TAFA1: variants seen among roughly 807,000 people sequenced by gnomAD.
The protein encoded by TAFA1 is TAFA chemokine like family member 1.
In TAFA1, 4 loss-of-function variants were observed where a neutral mutation model predicts 18.5. The observed-to-expected ratio is 0.22, with a 90% CI of 0.11 to 0.49. The LOEUF (loss-of-function observed/expected upper bound fraction) is 0.49. TAFA1 is among the 20% of genes least tolerant of loss of function. The pLI is 0.98. For missense variants in TAFA1, 147 were observed against 169.0 expected (o/e 0.87, Z 0.72); for synonymous variants, 56 against 55.2 (o/e 1.01, Z -0.06).
chr3:68,261,500 G>A (rs2067421241), intron 2 of TAFA1, among the ~76,000 whole-genome samples: 1 of 152,168 alleles, frequency 6.6e-6, no homozygotes, highest in Admixed American at 6.5e-5. Flanking sequence ...CAATAGCAAA[G>A]TCTTGGAACC....
At chr3:68,459,047 G>T (rs944085062) in intron 3 of TAFA1, among the ~76,000 whole-genome samples, 1 of 152,134 alleles carries the variant, frequency 6.6e-6, no homozygotes, top group East Asian at 1.9e-4. Flanking sequence ...TTCTCACAGC[G>T]AGAATTCTTC....
intron 2 of TAFA1, among the ~76,000 whole-genome samples, chr3:68,246,063 C>A (rs1258856384): frequency 6.6e-6 from 1 of 152,090 alleles, no homozygotes; most frequent in Non-Finnish European, 1.5e-5. Context: ...CGACGATGTC[C>A]GGTACCATCC....
intron 3 of TAFA1, among the ~76,000 whole-genome samples, chr3:68,435,945 G>A (rs2071260562): frequency 6.6e-6 from 1 of 152,134 alleles, no homozygotes; most frequent in Non-Finnish European, 1.5e-5. Context: ...TCAGTGGCTT[G>A]GCCACACCCC....
At chr3:68,194,972 G>A (rs577957623) in intron 2 of TAFA1, among the ~76,000 whole-genome samples, 4 of 151,498 alleles carry the variant, frequency 2.6e-5, no homozygotes, top group South Asian at 2.1e-4. Flanking sequence ...TCAGTTTTTC[G>A]GTATGCCCAT....
chr3:68,347,616 C>A (rs371208658), intron 2 of TAFA1, among the ~76,000 whole-genome samples: 1 of 152,264 alleles, frequency 6.6e-6, no homozygotes, highest in African/African-American at 2.4e-5. Context: ...AAATGAATGA[C>A]CATGGTTGTG....
At chr3:68,021,703 A>G (rs1004275438) in intron 2 of TAFA1, among the ~76,000 whole-genome samples, 2 of 152,230 alleles carry the variant, frequency 1.3e-5, no homozygotes, top group Admixed American at 6.5e-5. Context: ...AAAGAAAAGA[A>G]GAAGGAAAAA....
intron 2 of TAFA1, among the ~76,000 whole-genome samples, chr3:68,403,244 A>G (rs530758946): frequency 1.3e-5 from 2 of 152,324 alleles, no homozygotes; most frequent in African/African-American, 2.4e-5. Context: ...TTAATGACAT[A>G]TTCATTAGAA....
At chr3:68,389,863 C>G (rs1483692125) in intron 2 of TAFA1, among the ~76,000 whole-genome samples, 1 of 152,144 alleles carries the variant, frequency 6.6e-6, no homozygotes, top group East Asian at 1.9e-4. Flanking sequence ...GTCTTTGCAA[C>G]CCACAGACCA....
At chr3:68,037,596 C>T (rs893069233) in intron 2 of TAFA1, among the ~76,000 whole-genome samples, 1 of 152,062 alleles carries the variant, frequency 6.6e-6, no homozygotes, top group Non-Finnish European at 1.5e-5. Context: ...AAATACAGTT[C>T]AGTAAAATGA....
intron 2 of TAFA1, among the ~76,000 whole-genome samples, chr3:68,148,912 T>G (rs1026978876): frequency 3.0e-4 from 45 of 152,378 alleles, no homozygotes; most frequent in Admixed American, 2.7e-3. Context: ...AATGAATTTC[T>G]TTTTCAAAGA....
At chr3:68,193,994 T>G (rs920373501) in intron 2 of TAFA1, among the ~76,000 whole-genome samples, 1 of 151,832 alleles carries the variant, frequency 6.6e-6, no homozygotes, top group Non-Finnish European at 1.5e-5. Flanking sequence ...CAGATTCAAG[T>G]CCACTTCATG....
chr3:68,417,388 G>C lies in TAFA1; in HGVS notation c.227G>C (p.Gly76Ala). 6.2e-7 allele frequency: 1 copy of C among 1,613,492 alleles called. No individual in the cohort carries two copies. Among genetic ancestry groups the C allele is most frequent in the Non-Finnish European group, 8.5e-7 (1 of 1,179,678 alleles). Residue 76 changes from glycine to alanine, a missense_variant, in exon 3 of 5, where the codon GGA (glycine) becomes GCA (alanine). By Grantham distance (60) the Gly-to-Ala change is moderately conservative. Transcript: ENST00000478136. ...KCSCLPGKVA[G>A]TTRNRPSCVD... is the part of the protein sequence containing the mutation. ...TCCTGTCTACCTGGAAAAGTGGCTG[G>C]AACAACAAGAAACCGGCCTTCTTGC...
chr3:68,173,564 A>G (rs2066085784), intron 2 of TAFA1, among the ~76,000 whole-genome samples: 1 of 152,206 alleles, frequency 6.6e-6, no homozygotes. Flanking sequence ...TGAAGGGCCT[A>G]TTTTAAAAAC....
intron 2 of TAFA1, among the ~76,000 whole-genome samples, chr3:68,180,491 A>G (rs780387208): frequency 6.6e-6 from 1 of 152,222 alleles, no homozygotes; most frequent in Admixed American, 6.5e-5. Context: ...TGATTAGCCC[A>G]TATTGTCCCA....
intron 3 of TAFA1, among the ~76,000 whole-genome samples, chr3:68,469,475 C>T (rs2071954616): frequency 6.6e-6 from 1 of 152,098 alleles, no homozygotes; most frequent in South Asian, 2.1e-4. Flanking sequence ...GAGATCGAGA[C>T]CATCCTGGCT....
At chr3:68,487,824 G>A (rs1004539601) in intron 3 of TAFA1, among the ~76,000 whole-genome samples, 2 of 107,156 alleles carry the variant, frequency 1.9e-5, no homozygotes, top group African/African-American at 6.8e-5. Context: ...AAAAAAAAAA[G>A]GTGAAGTGAT....
At chr3:68,439,680 T>C (rs2071337985) in intron 3 of TAFA1, among the ~76,000 whole-genome samples, 1 of 151,776 alleles carries the variant, frequency 6.6e-6, no homozygotes, top group South Asian at 2.1e-4. Context: ...GCTGATTACA[T>C]TGTGAATGCC....
intron 2 of TAFA1, among the ~76,000 whole-genome samples, chr3:68,089,007 G>A (rs553060883): frequency 6.6e-6 from 1 of 152,274 alleles, no homozygotes; most frequent in South Asian, 2.1e-4. Context: ...TGGTTATATG[G>A]TGGCTGCCAT....
intron 2 of TAFA1, among the ~76,000 whole-genome samples, chr3:68,154,730 A>G (rs1399322245): frequency 6.6e-6 from 1 of 152,124 alleles, no homozygotes; most frequent in Non-Finnish European, 1.5e-5. Context: ...CCTTGGGGGT[A>G]GTTCTCTCCC....
Sources: allele counts gnomAD v4.1 joint callset (sites outside exome capture counted in the v4.1 genomes callset), GRCh38; gene constraint gnomAD v4.1.1; transcripts MANE v1.5; gene names NCBI Gene and HGNC (gene_info 2026-07-23, HGNC 2026-07-21).